CNNM1: variants seen among roughly 807,000 people sequenced by gnomAD.
CNNM1 encodes cyclin and CBS domain divalent metal cation transport mediator 1, also known as metal transporter CNNM1.
CNNM1 carries 44 observed loss-of-function variants against 78.8 expected under a neutral mutation model. The observed-to-expected ratio is 0.56, with a 90% CI of 0.44 to 0.72. The LOEUF is 0.72. CNNM1 is among the 30% of genes least tolerant of loss of function. The pLI is 0.00. For missense variants in CNNM1, 1,101 were observed against 1,292.2 expected (o/e 0.85, Z 2.27); for synonymous variants, 584 against 581.5 (o/e 1.00, Z -0.06).
At chr10:99,383,142 C>T (rs1215897778) in intron 7 of CNNM1, among the ~76,000 whole-genome samples, 1 of 152,182 alleles carries the variant, frequency 6.6e-6, no homozygotes, top group African/African-American at 2.4e-5. Flanking sequence ...AAAAATATAT[C>T]CTCTGCCTTA....
chr10:99,350,348 G>T (rs1178592213), intron 1 of CNNM1, among the ~76,000 whole-genome samples: 1 of 152,222 alleles, frequency 6.6e-6, no homozygotes, highest in East Asian at 1.9e-4. Flanking sequence ...CTATTTCCAA[G>T]CAATATGCTT....
intron 1 of CNNM1, among the ~76,000 whole-genome samples, chr10:99,345,756 C>T (rs556606973): frequency 6.6e-6 from 1 of 152,324 alleles, no homozygotes; most frequent in Non-Finnish European, 1.5e-5. Context: ...GGTCTTGAAG[C>T]TTTCCAGAAA....
At chr10:99,368,563 T>C in intron 6 of CNNM1, 1 of 1,149,016 alleles carries the variant, frequency 8.7e-7, no homozygotes, top group Non-Finnish European at 1.2e-6. Flanking sequence ...TCTTTCCTTT[T>C]GTGTTTATAT....
intron 7 of CNNM1, among the ~76,000 whole-genome samples, chr10:99,385,968 A>T (rs534968239): frequency 6.6e-6 from 1 of 152,348 alleles, no homozygotes; most frequent in Non-Finnish European, 1.5e-5. Context: ...CTTTGGTGTT[A>T]GAGCCAAATT....
At chr10:99,344,264 G>A (rs185020868) in intron 1 of CNNM1, among the ~76,000 whole-genome samples, 265 of 151,134 alleles carry the variant, frequency 1.8e-3, no homozygotes, top group Middle Eastern at 0.01. Flanking sequence ...CCCGGGAGGT[G>A]GAGGTTGCAG....
chr10:99,366,555 G>A (rs373026436), intron 6 of CNNM1, among the ~76,000 whole-genome samples: 6 of 151,770 alleles, frequency 4.0e-5, no homozygotes, highest in Admixed American at 1.3e-4. Context: ...AGGCCAGGAC[G>A]GGTGGATCAC....
intron 7 of CNNM1, among the ~76,000 whole-genome samples, chr10:99,382,745 C>T (rs2032196658): frequency 6.6e-6 from 1 of 152,198 alleles, no homozygotes; most frequent in African/African-American, 2.4e-5. Flanking sequence ...CCAGCCTGCA[C>T]AGCAGAGTGA....
intron 6 of CNNM1, among the ~76,000 whole-genome samples, chr10:99,370,571 G>T (rs188702366): frequency 1.5e-4 from 23 of 152,120 alleles, no homozygotes; most frequent in Non-Finnish European, 2.9e-4. Flanking sequence ...AGCCTCAGAG[G>T]TCTGGGATTT....
intron 10 of CNNM1, among the ~76,000 whole-genome samples, chr10:99,390,670 C>A (rs1186810830): frequency 6.6e-6 from 1 of 152,228 alleles, no homozygotes; most frequent in Non-Finnish European, 1.5e-5. Context: ...CCCTCCTTTA[C>A]TTGTTTTTGT....
chr10:99,332,138 C>T (rs1002362284), intron 1 of CNNM1, among the ~76,000 whole-genome samples: 2 of 152,142 alleles, frequency 1.3e-5, no homozygotes, highest in East Asian at 3.9e-4. Flanking sequence ...ATCAAATCTA[C>T]TTTCAAGAGT....
chr10:99,342,561 G>C (rs182742595), intron 1 of CNNM1, among the ~76,000 whole-genome samples: 1 of 152,208 alleles, frequency 6.6e-6, no homozygotes, highest in Admixed American at 6.6e-5. Flanking sequence ...TAGAGAAAGG[G>C]ACAGTTTTGT....
At chr10:99,342,774 G>A (rs2030510800) in intron 1 of CNNM1, among the ~76,000 whole-genome samples, 1 of 151,966 alleles carries the variant, frequency 6.6e-6, no homozygotes, top group African/African-American at 2.4e-5. Context: ...AAGATTAGGA[G>A]CTCAGAGCCC....
rs142898303 is a variant in CNNM1 at position 99,364,485 on chromosome 10, C to T, written c.2097C>T (p.Gly699=). The part of the protein sequence containing the change: ...RFENGAFTYY[G]VPAIMTTACS... ...AAAATGGAGCCTTTACTTACTATGGCGTCCCAGCCATCATGACCACTGCTT... is the reference window on the plus strand; with the variant it reads ...AAAATGGAGCCTTTACTTACTATGGTGTCCCAGCCATCATGACCACTGCTT... The change falls in exon 5 of 11, where the codon GGC becomes GGT. Residue 699 remains glycine (G), a synonymous_variant. Transcript: ENST00000356713. The T allele has an allele frequency of 1.6e-5, 26 of 1,611,978 alleles. No individual in the cohort carries two copies. Among genetic ancestry groups the T allele is most frequent in the East Asian group, 4.5e-5 (2 of 44,808 alleles).
At chr10:99,376,483 C>T (rs2031966312) in intron 6 of CNNM1, among the ~76,000 whole-genome samples, 1 of 152,208 alleles carries the variant, frequency 6.6e-6, no homozygotes, top group South Asian at 2.1e-4. Context: ...GAATGCTTCC[C>T]ACTAAAATGT....
At chr10:99,363,257 C>T (rs2031498492) in intron 4 of CNNM1, among the ~76,000 whole-genome samples, 1 of 152,162 alleles carries the variant, frequency 6.6e-6, no homozygotes, top group Admixed American at 6.5e-5. Flanking sequence ...TGTAACTTGC[C>T]TCACATATAT....
At chr10:99,356,538 A>AAGAC (rs199900201) in intron 1 of CNNM1, among the ~76,000 whole-genome samples, 6,888 of 87,188 alleles carry the variant, frequency 0.079, 262 homozygotes, top group Non-Finnish European at 0.13. Context: ...GAAAGAAAGA[A>AAGAC]AGACAGACAG....
At chr10:99,362,603 T>C (rs2031477122) in intron 4 of CNNM1, among the ~76,000 whole-genome samples, 1 of 152,154 alleles carries the variant, frequency 6.6e-6, no homozygotes, top group Non-Finnish European at 1.5e-5. Flanking sequence ...ATCTTTGACA[T>C]TTAGTTTGAC....
chr10:99,384,654 T>G (rs890559012), intron 7 of CNNM1, among the ~76,000 whole-genome samples: 1 of 152,190 alleles, frequency 6.6e-6, no homozygotes, highest in Non-Finnish European at 1.5e-5. Context: ...ATTCACTCAG[T>G]ATTGTTACCA....
intron 1 of CNNM1, among the ~76,000 whole-genome samples, chr10:99,356,596 GAAAGAAAGA>G (rs1188166552): frequency 3.1e-5 from 4 of 127,756 alleles, no homozygotes; most frequent in African/African-American, 1.0e-4. Context: ...AAGAAAGAAA[GAAAGAAAGA>G]AAAGAAAGAA....
Sources: gnomAD v4.1 joint callset for allele counts (sites outside exome capture counted in the v4.1 genomes callset) on GRCh38, gnomAD v4.1.1 for gene constraint, MANE v1.5 for transcripts, NCBI Gene and HGNC (gene_info 2026-07-23, HGNC 2026-07-21) for gene names.